FGF12: variants seen among roughly 807,000 people sequenced by gnomAD.
FGF12 encodes fibroblast growth factor 12B.
FGF12 carries 14 observed loss-of-function variants against 23.6 expected under a neutral mutation model. The observed-to-expected ratio is 0.59, with a 90% CI of 0.39 to 0.93. FGF12 has a LOEUF of 0.93. Among genes scored for constraint, FGF12 ranks in the 40% least tolerant of loss-of-function variants. The pLI, the probability that FGF12 is intolerant of heterozygous loss-of-function variation, is 0.00. For missense variants in FGF12, 175 were observed against 217.8 expected (o/e 0.80, Z 1.24); for synonymous variants, 62 against 77.3 (o/e 0.80, Z 1.04).
intron 4 of FGF12, among the ~76,000 whole-genome samples, chr3:192,293,229 G>C (rs1005395313): frequency 1.5e-5 from 2 of 137,128 alleles, no homozygotes; most frequent in African/African-American, 5.4e-5. Context: ...CTGTGCCTTA[G>C]TGATGTTTAC....
At chr3:192,254,111 T>C (rs1233760760) in intron 4 of FGF12, among the ~76,000 whole-genome samples, 2 of 151,980 alleles carry the variant, frequency 1.3e-5, no homozygotes, top group African/African-American at 2.4e-5. Flanking sequence ...TGTACCATAG[T>C]TCTCTTGAAC....
At chr3:192,624,558 C>T (rs1345484435) in intron 2 of FGF12, among the ~76,000 whole-genome samples, 1 of 152,054 alleles carries the variant, frequency 6.6e-6, no homozygotes, top group Non-Finnish European at 1.5e-5. Flanking sequence ...AATAAACTGA[C>T]TTCAATGCTG....
chr3:192,194,817 A>G (rs1385380321), intron 4 of FGF12, among the ~76,000 whole-genome samples: 3 of 152,182 alleles, frequency 2.0e-5, no homozygotes, highest in African/African-American at 7.2e-5. Context: ...TTTATAACAT[A>G]TTTTTCAGAT....
chr3:192,628,837 A>T (rs1011023654), intron 2 of FGF12, among the ~76,000 whole-genome samples: 10 of 151,848 alleles, frequency 6.6e-5, no homozygotes, highest in African/African-American at 2.2e-4. Flanking sequence ...ATATACACAC[A>T]CACACATACA....
intron 2 of FGF12, among the ~76,000 whole-genome samples, chr3:192,558,647 T>C (rs904993830): frequency 2.0e-5 from 3 of 151,698 alleles, no homozygotes; most frequent in African/African-American, 7.3e-5. Flanking sequence ...ATAGCCAAAA[T>C]GATTTGAGAG....
chr3:192,568,892 T>A (rs1471181000), intron 2 of FGF12, among the ~76,000 whole-genome samples: 1 of 152,128 alleles, frequency 6.6e-6, no homozygotes. Context: ...GACTCAGGTA[T>A]GAGATAACAT....
chr3:192,634,111 T>C (rs1715494146), intron 2 of FGF12, among the ~76,000 whole-genome samples: 2 of 151,330 alleles, frequency 1.3e-5, no homozygotes, highest in South Asian at 4.1e-4. Flanking sequence ...ATTTTCATCA[T>C]ACTTTATTCT....
intron 4 of FGF12, among the ~76,000 whole-genome samples, chr3:192,240,639 C>T (rs1316110543): frequency 2.0e-5 from 3 of 152,158 alleles, no homozygotes; most frequent in Non-Finnish European, 4.4e-5. Flanking sequence ...CATTATCACC[C>T]AGCTGTATTC....
chr3:192,671,158 G>A lies in FGF12; in HGVS notation c.13+56023C>T, dbSNP rs551142787. 3.3e-5 allele frequency among the ~76,000 whole-genome samples: 5 copies of A among 152,310 alleles called. No homozygotes were observed. In the East Asian group the frequency reaches 9.6e-4, roughly 29 times the overall value. The stretch of plus-strand genomic sequence containing the variant: ...GGAAGACAAAGACCAGGTTATGAAT[G>A]TTTTTACATACCAAGTAAAGGAATT... On this transcript the variant is annotated intron_variant, in intron 2 of 5. Coordinates refer to ENST00000445105, the MANE Select transcript of FGF12 (RefSeq NM_004113.6).
chr3:192,571,450 G>C (rs1712630596), intron 2 of FGF12, among the ~76,000 whole-genome samples: 1 of 152,382 alleles, frequency 6.6e-6, no homozygotes, highest in East Asian at 1.9e-4. Flanking sequence ...ATCGCTGCCA[G>C]AGCGACGGAG....
chr3:192,425,992 T>C (rs1179944964), intron 2 of FGF12, among the ~76,000 whole-genome samples: 3 of 152,224 alleles, frequency 2.0e-5, no homozygotes, highest in Non-Finnish European at 1.5e-5. Flanking sequence ...ATCAAGTTCA[T>C]AGGTGTTACA....
intron 3 of FGF12, among the ~76,000 whole-genome samples, chr3:192,354,798 C>G (rs1560082529): frequency 6.6e-6 from 1 of 152,172 alleles, no homozygotes. Flanking sequence ...CTCCACCTCC[C>G]TGGTTCAAGC....
chr3:192,377,998 G>T (rs974923409), intron 2 of FGF12, among the ~76,000 whole-genome samples: 5 of 141,618 alleles, frequency 3.5e-5, no homozygotes, highest in Non-Finnish European at 6.1e-5. Context: ...ATCAAAATTA[G>T]ACGAGATCCC....
chr3:192,532,150 T>C (rs1452065047), intron 2 of FGF12, among the ~76,000 whole-genome samples: 1 of 152,194 alleles, frequency 6.6e-6, no homozygotes, highest in Non-Finnish European at 1.5e-5. Flanking sequence ...TTGGTAACTA[T>C]AGTCTTGTAG....
chr3:192,305,677 A>AT (rs1273411210), intron 4 of FGF12, among the ~76,000 whole-genome samples: 3,750 of 111,740 alleles, frequency 0.034, 132 homozygotes, highest in African/African-American at 0.11. Context: ...AAAAAAAAAA[A>AT]AAATATATAT....
chr3:192,413,509 G>T (rs1721259841), intron 2 of FGF12, among the ~76,000 whole-genome samples: 1 of 152,280 alleles, frequency 6.6e-6, no homozygotes, highest in Non-Finnish European at 1.5e-5. Context: ...GTATGAGAAT[G>T]ACCATGCTGT....
At chr3:192,274,612 T>C (rs916704966) in intron 4 of FGF12, among the ~76,000 whole-genome samples, 7 of 142,936 alleles carry the variant, frequency 4.9e-5, no homozygotes, top group African/African-American at 7.7e-5. Context: ...AGATAGAATA[T>C]AGAAGAAATG....
chr3:192,701,105 A>G (rs187911768), intron 2 of FGF12, among the ~76,000 whole-genome samples: 2 of 152,256 alleles, frequency 1.3e-5, no homozygotes, highest in African/African-American at 2.4e-5. Flanking sequence ...TTTCATTTGC[A>G]TGATAAAACC....
At chr3:192,196,904 ATAACT>A (rs1257765021) in intron 4 of FGF12, among the ~76,000 whole-genome samples, 26 of 152,150 alleles carry the variant, frequency 1.7e-4, no homozygotes, top group South Asian at 4.1e-4. Flanking sequence ...GTTACAGAAA[ATAACT>A]TAATAAGACA....
Sources: allele counts gnomAD v4.1 joint callset (sites outside exome capture counted in the v4.1 genomes callset), GRCh38; gene constraint gnomAD v4.1.1; transcripts MANE v1.5; gene names NCBI Gene and HGNC (gene_info 2026-07-23, HGNC 2026-07-21).